CNTN5: variants seen among roughly 807,000 people sequenced by gnomAD.
CNTN5 encodes contactin 5, also known as contactin-5.
Under a neutral mutation model 129.1 loss-of-function variants are expected in CNTN5, and 77 were observed. The ratio of observed to expected loss-of-function variants is 0.60; its 90% CI spans 0.50 to 0.72. The LOEUF is 0.72. Among genes scored for constraint, CNTN5 ranks in the 30% least tolerant of loss-of-function variants. CNTN5 has a pLI of 0.00. For missense variants in CNTN5, 1,478 were observed against 1,328.8 expected, an observed-to-expected ratio of 1.11 and a Z score of -1.75; for synonymous variants, 509 against 465.6, an observed-to-expected ratio of 1.09 and a Z score of -1.20.
chr11:100,163,544 A>T (rs1000415150), intron 13 of CNTN5, among the ~76,000 whole-genome samples: 4 of 151,864 alleles, frequency 2.6e-5, no homozygotes, highest in African/African-American at 9.7e-5. Context: ...GAAGTCAATA[A>T]ATACAGTATA....
rs376301542 is a variant in CNTN5, at chr11:99,698,319, TAGAGA to T, written c.56-121216_56-121212del. ...TTGTAATTTGATTATTTAAAATGTCTAGAGAAGAGAAGAAAGCTATAAAGGGGAAA... is the reference window on the plus strand; with the variant it reads ...TTGTAATTTGATTATTTAAAATGTCTAGAGAAGAAAGCTATAAAGGGGAAA... On this transcript the variant is annotated intron_variant, in intron 3 of 24. Coordinates refer to ENST00000524871, the MANE Select transcript of CNTN5 (RefSeq NM_014361.4). 4.0e-3 allele frequency among the ~76,000 whole-genome samples: 612 copies of T among 151,534 alleles called. 2 individuals are homozygous for T. The highest frequency in any genetic ancestry group is 6.7e-3 in the Non-Finnish European group (451 of 67,602).
At chr11:99,632,596 C>G (rs971200568) in intron 3 of CNTN5, among the ~76,000 whole-genome samples, 4 of 152,112 alleles carry the variant, frequency 2.6e-5, no homozygotes, top group African/African-American at 9.7e-5. Context: ...GGCCTGAACT[C>G]ATGGCTTTCA....
intron 10 of CNTN5, among the ~76,000 whole-genome samples, chr11:100,068,989 A>G (rs1038534664): frequency 6.6e-6 from 1 of 152,160 alleles, no homozygotes; most frequent in Non-Finnish European, 1.5e-5. Flanking sequence ...GGATTAATTG[A>G]GAATTTGGCT....
chr11:99,104,459 A>C (rs1285409015), intron 1 of CNTN5, among the ~76,000 whole-genome samples: 1 of 152,162 alleles, frequency 6.6e-6, no homozygotes, highest in Admixed American at 6.6e-5. Flanking sequence ...AGATAGAAGG[A>C]ATACATTTTA....
At chr11:99,593,179 C>T (rs1396771190) in intron 3 of CNTN5, among the ~76,000 whole-genome samples, 1 of 152,096 alleles carries the variant, frequency 6.6e-6, no homozygotes, top group Non-Finnish European at 1.5e-5. Flanking sequence ...TTCATTATAA[C>T]CCTAAAATCC....
At chr11:99,386,736 A>G (rs1247853061) in intron 2 of CNTN5, among the ~76,000 whole-genome samples, 1 of 152,098 alleles carries the variant, frequency 6.6e-6, no homozygotes, top group African/African-American at 2.4e-5. Flanking sequence ...GCTCTGGTTC[A>G]CACACCTCTG....
At chr11:99,348,952 T>C (rs190823321) in intron 2 of CNTN5, among the ~76,000 whole-genome samples, 4 of 152,190 alleles carry the variant, frequency 2.6e-5, no homozygotes, top group Admixed American at 1.3e-4. Context: ...AGGTTCAGTA[T>C]AGCCAAATAA....
At chr11:99,249,642 A>G (rs1287992324) in intron 1 of CNTN5, among the ~76,000 whole-genome samples, 2 of 152,026 alleles carry the variant, frequency 1.3e-5, no homozygotes, top group South Asian at 2.1e-4. Context: ...AAATATTCCA[A>G]TGTAGAGATT....
At chr11:99,748,036 A>G (rs1944112690) in intron 3 of CNTN5, among the ~76,000 whole-genome samples, 1 of 152,084 alleles carries the variant, frequency 6.6e-6, no homozygotes, top group African/African-American at 2.4e-5. Flanking sequence ...TTGTTGAGTC[A>G]TCCTTGCATC....
intron 20 of CNTN5, 40 bp from the exon 21 acceptor site, chr11:100,308,319 A>C (rs754553219): frequency 1.3e-6 from 2 of 1,585,734 alleles, no homozygotes; most frequent in Non-Finnish European, 1.7e-6. Context: ...TTTGATGGAC[A>C]TAAACTTTTT....
intron 3 of CNTN5, among the ~76,000 whole-genome samples, chr11:99,673,639 C>T (rs1434425679): frequency 1.3e-5 from 2 of 152,060 alleles, no homozygotes; most frequent in African/African-American, 4.8e-5. Context: ...TTGTTCCCCT[C>T]TATATGTCCA....
chr11:99,999,902 C>T (rs1405416524), intron 8 of CNTN5, among the ~76,000 whole-genome samples: 1 of 151,512 alleles, frequency 6.6e-6, no homozygotes, highest in Non-Finnish European at 1.5e-5. Context: ...TAAACTGTCG[C>T]AAGGCCAAAA....
At chr11:99,917,151 C>A (rs1268003016) in intron 7 of CNTN5, among the ~76,000 whole-genome samples, 1 of 151,956 alleles carries the variant, frequency 6.6e-6, no homozygotes, top group African/African-American at 2.4e-5. Flanking sequence ...TCAACAGGGA[C>A]ATATTTTTGA....
intron 3 of CNTN5, among the ~76,000 whole-genome samples, chr11:99,663,323 C>T (rs1469555690): frequency 6.6e-6 from 1 of 152,010 alleles, no homozygotes; most frequent in Non-Finnish European, 1.5e-5. Flanking sequence ...CAAAAAATAG[C>T]TGAGCGTGTT....
chr11:100,269,819 A>C (rs1430663243), intron 17 of CNTN5, among the ~76,000 whole-genome samples: 1 of 152,150 alleles, frequency 6.6e-6, no homozygotes, highest in Non-Finnish European at 1.5e-5. Context: ...TATATAAGTA[A>C]ATGAAACAGT....
At chr11:99,329,763 A>G (rs193258652) in intron 2 of CNTN5, among the ~76,000 whole-genome samples, 138 of 152,236 alleles carry the variant, frequency 9.1e-4, no homozygotes, top group African/African-American at 3.3e-3. Flanking sequence ...GTGCTGTAAT[A>G]TTTGCTGACT....
intron 1 of CNTN5, among the ~76,000 whole-genome samples, chr11:99,295,076 A>G (rs1197924307): frequency 6.6e-6 from 1 of 152,146 alleles, no homozygotes; most frequent in African/African-American, 2.4e-5. Context: ...AGACCATTTG[A>G]CTTTCTAGAG....
At chr11:100,185,299 C>A (rs1233696180) in intron 13 of CNTN5, among the ~76,000 whole-genome samples, 1 of 152,034 alleles carries the variant, frequency 6.6e-6, no homozygotes, top group Non-Finnish European at 1.5e-5. Flanking sequence ...TCTAAGAATT[C>A]ATTTCTAGCT....
chr11:99,615,161 A>G (rs896243840), intron 3 of CNTN5, among the ~76,000 whole-genome samples: 33 of 151,120 alleles, frequency 2.2e-4, no homozygotes, highest in Admixed American at 7.3e-4. Flanking sequence ...ATTTACCAAG[A>G]TTAATTATTT....
Sources: allele counts gnomAD v4.1 joint callset (sites outside exome capture counted in the v4.1 genomes callset), GRCh38; gene constraint gnomAD v4.1.1; transcripts MANE v1.5; gene names NCBI Gene and HGNC (gene_info 2026-07-23, HGNC 2026-07-21).